KREMEN1: variants seen among roughly 807,000 people sequenced by gnomAD.
The protein encoded by KREMEN1 is kringle containing transmembrane protein 1.
Under a neutral mutation model 46.5 loss-of-function variants are expected in KREMEN1, and 30 were observed. The ratio of observed to expected loss-of-function variants is 0.65; its 90% CI spans 0.48 to 0.88. KREMEN1 has a LOEUF of 0.88. KREMEN1 is among the 40% of genes least tolerant of loss of function. KREMEN1 has a pLI of 0.00. For missense variants in KREMEN1, 533 were observed against 596.9 expected (o/e 0.89, Z 1.11); for synonymous variants, 214 against 230.6 (o/e 0.93, Z 0.65).
intron 1 of KREMEN1, among the ~76,000 whole-genome samples, chr22:29,079,630 A>G (rs2037624272): frequency 6.6e-6 from 1 of 152,270 alleles, no homozygotes; most frequent in Non-Finnish European, 1.5e-5. Flanking sequence ...TAGAACCAGA[A>G]CGGTATACTC....
At chr22:29,126,651 G>C (rs1282734738) in intron 5 of KREMEN1, among the ~76,000 whole-genome samples, 1 of 152,072 alleles carries the variant, frequency 6.6e-6, no homozygotes, top group Non-Finnish European at 1.5e-5. Context: ...TCTTTCTAGG[G>C]GACACAATTC....
downstream of KREMEN1, among the ~76,000 whole-genome samples, chr22:29,147,683 G>A (rs879111233): frequency 2.6e-4 from 40 of 152,312 alleles, no homozygotes; most frequent in Admixed American, 1.6e-3. Context: ...GTAAGACCGA[G>A]GGCAAGGAAA....
chr22:29,090,340 TGAACA>T (rs2145754871), intron 1 of KREMEN1, among the ~76,000 whole-genome samples: 1 of 152,186 alleles, frequency 6.6e-6, no homozygotes, highest in South Asian at 2.1e-4. Flanking sequence ...ATAGACCTTA[TGAACA>T]CAAAGAAGGA....
At chr22:29,094,724 C>T (rs911643171) in intron 2 of KREMEN1, among the ~76,000 whole-genome samples, 6 of 151,168 alleles carry the variant, frequency 4.0e-5, no homozygotes, top group East Asian at 3.9e-4. Flanking sequence ...CCCGGGTTCA[C>T]GCCATTCTCC....
rs1339235906 is a variant in KREMEN1, at chr22:29,129,711, G to A, written c.631+4295G>A. 2.6e-5 allele frequency among the ~76,000 whole-genome samples: 4 copies of A among 152,236 alleles called. No homozygotes were observed. The East Asian group carries it at 7.7e-4, about 29-fold the overall frequency. On this transcript the variant is annotated intron_variant, in intron 5 of 8. Transcript: ENST00000400335. Reference sequence around the variant, plus strand: ...TTTGCTCTTTGGCAGACAGACGACGGGGCTAGTGGGGGTGGAGGGTGAGGG... The same window carrying A: ...TTTGCTCTTTGGCAGACAGACGACGAGGCTAGTGGGGGTGGAGGGTGAGGG...
rs142423027 is a variant in KREMEN1 at position 29,084,040 on chromosome 22, C to T, written c.98-10218C>T. ...TTCCGGGAAGGGGGTGAGGAGGTCC[C>T]GGAACTGAGGGATCCTCTTTTTTTT... is the stretch of plus-strand genomic sequence containing the variant. On this transcript the variant is annotated intron_variant, in intron 1 of 8. Transcript: ENST00000400335. Among the ~76,000 whole-genome samples, 535 of 152,172 alleles carry T rather than the reference C, an allele frequency of 3.5e-3. 7 individuals are homozygous for T. The East Asian group carries it at 0.036, about 10-fold the overall frequency.
chr22:29,114,486 CA>C (rs134685), intron 3 of KREMEN1, among the ~76,000 whole-genome samples: 365 of 88,044 alleles, frequency 4.1e-3, no homozygotes, highest in African/African-American at 7.3e-3. Context: ...AACTCCGTGT[CA>C]AAAAAAAAAA....
chr22:29,098,668 A>T (rs563734239), intron 2 of KREMEN1, among the ~76,000 whole-genome samples, 194 bp from the exon 3 acceptor site: 3 of 152,230 alleles, frequency 2.0e-5, no homozygotes, highest in Non-Finnish European at 2.9e-5. Flanking sequence ...TCTGAAGTAT[A>T]TGTCAGAATA....
chr22:29,092,417 G>A (rs751677014), intron 1 of KREMEN1, among the ~76,000 whole-genome samples: 1 of 152,150 alleles, frequency 6.6e-6, no homozygotes, highest in African/African-American at 2.4e-5. Flanking sequence ...TTTGGCACAT[G>A]GTAAAACACT....
intron 1 of KREMEN1, among the ~76,000 whole-genome samples, chr22:29,087,023 A>G (rs546955860): frequency 3.3e-5 from 5 of 152,236 alleles, no homozygotes; most frequent in Admixed American, 2.0e-4. Flanking sequence ...TTAGCCTCCC[A>G]AAGTTCTGGG....
At chr22:29,091,134 C>T (rs529389914) in intron 1 of KREMEN1, among the ~76,000 whole-genome samples, 53 of 152,286 alleles carry the variant, frequency 3.5e-4, no homozygotes, top group Middle Eastern at 3.4e-3. Flanking sequence ...CTACCACCCC[C>T]GGCTAATTTT....
chr22:29,125,226 A>T (rs1474217748), intron 4 of KREMEN1, 37 bp from the exon 5 acceptor site: 1 of 1,606,662 alleles, frequency 6.2e-7, no homozygotes, highest in Admixed American at 1.7e-5. Flanking sequence ...GACATCCCTG[A>T]TGATGCTTAC....
intron 3 of KREMEN1, chr22:29,099,252 AG>A (rs1180446594): frequency 3.5e-6 from 1 of 282,134 alleles, no homozygotes; most frequent in African/African-American, 2.2e-5. Flanking sequence ...ACCGCTCAGA[AG>A]CAGCCTAGGG....
At chr22:29,154,823 A>G (rs2038947207) in intron 9 of KREMEN1, 1 of 136,056 alleles carries the variant, frequency 7.3e-6, no homozygotes. Flanking sequence ...ATTGCGAGAG[A>G]AAAGAAAAAA....
chr22:29,146,878 G>A (rs761827754), downstream of KREMEN1: 26 of 795,218 alleles, frequency 3.3e-5, no homozygotes, highest in South Asian at 5.7e-5. Flanking sequence ...TGGGACAAGC[G>A]GAGGGTGTCT....
chr22:29,123,487 A>G (rs896802868), intron 4 of KREMEN1, among the ~76,000 whole-genome samples: 2 of 152,234 alleles, frequency 1.3e-5, no homozygotes, highest in African/African-American at 2.4e-5. Flanking sequence ...ACAGATGACA[A>G]ATAAGCACAT....
At chr22:29,150,227 G>A (rs4823017), downstream of KREMEN1, among the ~76,000 whole-genome samples, 1 of 152,180 alleles carries the variant, frequency 6.6e-6, no homozygotes, top group East Asian at 1.9e-4. Context: ...CTGGTGGGGG[G>A]GGGGGCAGTG....
downstream of KREMEN1, chr22:29,146,841 A>G (rs1378034896): frequency 1.0e-6 from 1 of 956,192 alleles, no homozygotes. Flanking sequence ...CTATGCTGTC[A>G]TTTCTATGGG....
chr22:29,131,726 A>G (rs964847299), intron 5 of KREMEN1, among the ~76,000 whole-genome samples: 13 of 137,194 alleles, frequency 9.5e-5, no homozygotes, highest in African/African-American at 3.0e-4. Context: ...ATGTATATAT[A>G]TGTATATATG....
Sources: allele counts gnomAD v4.1 joint callset (sites outside exome capture counted in the v4.1 genomes callset), GRCh38; gene constraint gnomAD v4.1.1; transcripts MANE v1.5; gene names NCBI Gene and HGNC (gene_info 2026-07-23, HGNC 2026-07-21).